The following CDH12 variants were observed in gnomAD, a reference collection of about 807,000 sequenced individuals.
CDH12 encodes cadherin 12, also known as cadherin-12.
In CDH12, 41 loss-of-function variants were observed where a neutral mutation model predicts 74.1. The observed-to-expected ratio is 0.55, with a 90% CI of 0.43 to 0.72. The LOEUF is 0.72. CDH12 is among the 30% of genes least tolerant of loss of function. The pLI, the probability that CDH12 is intolerant of heterozygous loss-of-function variation, is 0.00. For missense variants in CDH12, 945 were observed against 977.2 expected, an observed-to-expected ratio of 0.97 and a Z score of 0.44; for synonymous variants, 399 against 355.0, an observed-to-expected ratio of 1.12 and a Z score of -1.39.
At chr5:22,482,391 T>C (rs963252732) in intron 2 of CDH12, among the ~76,000 whole-genome samples, 2 of 152,126 alleles carry the variant, frequency 1.3e-5, no homozygotes, top group African/African-American at 4.8e-5. Flanking sequence ...AGATTTATTA[T>C]CAAGAAAAAA....
chr5:22,837,963 C>T (rs1213038450), intron 1 of CDH12, among the ~76,000 whole-genome samples: 1 of 152,114 alleles, frequency 6.6e-6, no homozygotes, highest in Non-Finnish European at 1.5e-5. Flanking sequence ...ATTCCTCTAC[C>T]CGATGGTTGC....
At chr5:22,713,683 T>A (rs1257372296) in intron 1 of CDH12, among the ~76,000 whole-genome samples, 1 of 152,150 alleles carries the variant, frequency 6.6e-6, no homozygotes, top group Non-Finnish European at 1.5e-5. Flanking sequence ...GATACATAGA[T>A]ACATACACTG....
At chr5:21,831,712 G>A (rs567461475) in intron 8 of CDH12, among the ~76,000 whole-genome samples, 35 of 151,750 alleles carry the variant, frequency 2.3e-4, no homozygotes, top group African/African-American at 7.7e-4. Flanking sequence ...CCTGATTCTC[G>A]GGGGATTGTC....
At chr5:22,749,642 G>A (rs1416943406) in intron 1 of CDH12, among the ~76,000 whole-genome samples, 1 of 152,108 alleles carries the variant, frequency 6.6e-6, no homozygotes, top group Non-Finnish European at 1.5e-5. Flanking sequence ...GGAAGGCAAT[G>A]GTATTCAAAT....
intron 1 of CDH12, among the ~76,000 whole-genome samples, chr5:22,521,325 G>T (rs1737047333): frequency 6.6e-6 from 1 of 151,684 alleles, no homozygotes; most frequent in Admixed American, 6.6e-5. Context: ...TTAGTCTTAT[G>T]GTAGTTCTGA....
chr5:22,308,004 C>A (rs1420607951), intron 3 of CDH12, among the ~76,000 whole-genome samples: 1 of 149,252 alleles, frequency 6.7e-6, no homozygotes, highest in Non-Finnish European at 1.5e-5. Context: ...CCTCAGCCTC[C>A]CAAGTAGCTG....
chr5:22,262,448 T>A (rs1453248756), intron 3 of CDH12, among the ~76,000 whole-genome samples: 1 of 151,990 alleles, frequency 6.6e-6, no homozygotes, highest in African/African-American at 2.4e-5. Flanking sequence ...GGACGTGAAC[T>A]CATTTTTTAT....
chr5:21,943,284 C>A (rs1298757087), intron 6 of CDH12, among the ~76,000 whole-genome samples: 6 of 152,092 alleles, frequency 3.9e-5, no homozygotes, highest in Non-Finnish European at 7.4e-5. Flanking sequence ...ATAAGATATA[C>A]TTGTTTTCTG....
chr5:21,958,842 G>A (rs1756217239), intron 6 of CDH12, among the ~76,000 whole-genome samples: 1 of 152,190 alleles, frequency 6.6e-6, no homozygotes, highest in South Asian at 2.1e-4. Context: ...GTCATTGGTA[G>A]TTTGATAGAA....
At chr5:21,793,927 T>C (rs1746637809) in intron 10 of CDH12, among the ~76,000 whole-genome samples, 1 of 149,878 alleles carries the variant, frequency 6.7e-6, no homozygotes, top group African/African-American at 2.4e-5. Flanking sequence ...TTTTAATATA[T>C]AAATATTATT....
intron 3 of CDH12, among the ~76,000 whole-genome samples, chr5:22,358,214 G>A (rs113926156): frequency 0.011 from 1,688 of 152,172 alleles, 24 homozygotes; most frequent in African/African-American, 0.039. Context: ...TTCGAGACTA[G>A]CCTAGCCAAC....
intron 1 of CDH12, among the ~76,000 whole-genome samples, chr5:22,677,499 A>T (rs914577130): frequency 6.6e-6 from 1 of 152,096 alleles, no homozygotes; most frequent in African/African-American, 2.4e-5. Flanking sequence ...AATCCCATTC[A>T]TGAGAGCAGA....
chr5:21,924,592 G>A (rs1754506622), intron 6 of CDH12, among the ~76,000 whole-genome samples: 1 of 152,146 alleles, frequency 6.6e-6, no homozygotes, highest in Non-Finnish European at 1.5e-5. Context: ...CTTCAGTCCT[G>A]TCTAAGTTCT....
rs929346889 is a variant in CDH12, at chr5:21,780,307, G to A, written c.1393+3051C>T. On this transcript the variant is annotated intron_variant, in intron 11 of 14. Coordinates refer to ENST00000382254, the MANE Select transcript of CDH12 (RefSeq NM_004061.5). ...AAACTTTCAGGGACTAATAACACTT[G>A]CTTCCACTATAAAGGTTCATACTTC... 2.0e-5 allele frequency among the ~76,000 whole-genome samples: 3 copies of A among 152,158 alleles called. No individual in the cohort carries two copies. In the East Asian group the frequency reaches 5.8e-4, roughly 29 times the overall value.
At chr5:22,302,797 TA>T (rs1190268093) in intron 3 of CDH12, among the ~76,000 whole-genome samples, 1 of 152,068 alleles carries the variant, frequency 6.6e-6, no homozygotes, top group Non-Finnish European at 1.5e-5. Flanking sequence ...AATAATTCTT[TA>T]AAAATAAGAA....
At chr5:21,827,612 T>A (rs1748754370) in intron 8 of CDH12, among the ~76,000 whole-genome samples, 1 of 152,192 alleles carries the variant, frequency 6.6e-6, no homozygotes, top group Non-Finnish European at 1.5e-5. Context: ...AATAAATGCC[T>A]ATCTGCAAAA....
chr5:22,707,985 A>G (rs1743104138), intron 1 of CDH12, among the ~76,000 whole-genome samples: 1 of 152,174 alleles, frequency 6.6e-6, no homozygotes, highest in Non-Finnish European at 1.5e-5. Flanking sequence ...GATACAGTAA[A>G]GCCAAATCCA....
chr5:22,377,435 G>C (rs1432867740), intron 3 of CDH12, among the ~76,000 whole-genome samples: 1 of 152,134 alleles, frequency 6.6e-6, no homozygotes, highest in Non-Finnish European at 1.5e-5. Context: ...CCTTCCTGGT[G>C]GAATAGGATG....
intron 1 of CDH12, among the ~76,000 whole-genome samples, chr5:22,511,045 C>T (rs1161003817): frequency 6.6e-6 from 1 of 152,058 alleles, no homozygotes; most frequent in Non-Finnish European, 1.5e-5. Flanking sequence ...CAGACACCCA[C>T]CACCATGCTC....
Sources: allele counts gnomAD v4.1 joint callset (sites outside exome capture counted in the v4.1 genomes callset), GRCh38; gene constraint gnomAD v4.1.1; transcripts MANE v1.5; gene names NCBI Gene and HGNC (gene_info 2026-07-23, HGNC 2026-07-21).